Variants in ZNF671 observed in about 807,000 individuals in gnomAD.
ZNF671 encodes the protein zinc finger protein 671.
In ZNF671, 19 loss-of-function variants were observed where a neutral mutation model predicts 16.6. That is an observed-to-expected ratio of 1.14 (90% CI 0.80 to 1.68). ZNF671 has a LOEUF of 1.68. Among genes scored for constraint, ZNF671 ranks in the 40% most tolerant of loss-of-function variants. The pLI, the probability that ZNF671 is intolerant of heterozygous loss-of-function variation, is 0.00. For missense variants in ZNF671, 637 were observed against 659.8 expected, an observed-to-expected ratio of 0.97 and a Z score of 0.38; for synonymous variants, 238 against 236.3, an observed-to-expected ratio of 1.01 and a Z score of -0.06.
At chr19:57,726,045 C>A (rs535298490) in intron 1 of ZNF671, among the ~76,000 whole-genome samples, 103 of 151,968 alleles carry the variant, frequency 6.8e-4, no homozygotes, top group African/African-American at 2.4e-3. Context: ...GTCGGGAGTT[C>A]AAGACCACCT....
rs1820653247 is a variant in ZNF671 at position 57,722,299 on chromosome 19, C to T, written c.388+17G>A. On this transcript the variant is annotated intron_variant, in intron 3 of 3. Coordinates refer to ENST00000317398, the MANE Select transcript of ZNF671 (RefSeq NM_024833.3). ...AACCCAGCTTTGACATCGTGCCCTTCCCCGATGTCCACTCACCAGGTCTAA... is the reference window on the plus strand; with the variant it reads ...AACCCAGCTTTGACATCGTGCCCTTTCCCGATGTCCACTCACCAGGTCTAA... 6.2e-7 allele frequency: 1 copy of T among 1,613,370 alleles called. No homozygotes were observed. Among genetic ancestry groups the T allele is most frequent in the Admixed American group, 1.7e-5 (1 of 59,892 alleles).
intron 3 of ZNF671, 74 bp from the exon 4 acceptor site, chr19:57,721,771 T>G: frequency 2.0e-6 from 3 of 1,524,590 alleles, no homozygotes; most frequent in Non-Finnish European, 2.7e-6. Flanking sequence ...ATATGTGCAT[T>G]TGACACATGC....
Position 57,723,221 on chromosome 19 carries a change from G to A in ZNF671, c.258C>T (p.Ala86=). 1 of 1,611,904 alleles carries A rather than the reference G, an allele frequency of 6.2e-7. No homozygotes were observed. Among genetic ancestry groups the A allele is most frequent in the Non-Finnish European group, 8.5e-7 (1 of 1,178,746 alleles). The change falls in exon 2 of 4, where the codon GCC becomes GCT. Residue 86 remains alanine, a synonymous_variant. Coordinates refer to ENST00000317398, the MANE Select transcript of ZNF671 (RefSeq NM_024833.3). ...DVMLENFALL[A]SLGIAFSRSR... is the part of the protein sequence containing the mutation. The stretch of plus-strand genomic sequence containing the variant: ...AAAGCATGAGGACCTTACCCAGTGA[G>A]GCTAAAAGTGCAAAGTTCTCCAGCA...
chr19:57,723,272 A>C lies in ZNF671; in HGVS notation c.207T>G (p.Ala69=). The C allele has an allele frequency of 1.2e-6, 2 of 1,613,924 alleles. No individual in the cohort carries two copies. The highest frequency in any genetic ancestry group is 8.5e-7 in the Non-Finnish European group (1 of 1,179,844). Reference sequence around the variant, plus strand: ...TCACATCATGGTACAAAAGTCTCTGAGCATCATCAAGAAGCTCCCATTCTT... The same window carrying C: ...TCACATCATGGTACAAAAGTCTCTGCGCATCATCAAGAAGCTCCCATTCTT... ...SREEWELLDD[A]QRLLYHDVML... Residue 69 remains alanine (A), a synonymous_variant, in exon 2 of 4, where the codon GCT becomes GCG. Coordinates refer to ENST00000317398, the MANE Select transcript of ZNF671 (RefSeq NM_024833.3).
At chr19:57,727,026 C>T (rs1315973390) in intron 1 of ZNF671, 2 of 194,526 alleles carry the variant, frequency 1.0e-5, no homozygotes, top group African/African-American at 4.7e-5. Context: ...ATGTTCTCCC[C>T]TGAGCAAATT....
rs1427992863 is a variant in ZNF671 at position 57,720,132 on chromosome 19, A to C, written c.*349T>G. 3.9e-6 allele frequency: 1 copy of C among 254,594 alleles called. No homozygotes were observed. Among genetic ancestry groups the C allele is most frequent in the East Asian group, 7.8e-5 (1 of 12,872 alleles). 15.8% of individuals were successfully genotyped at this position (254,594 alleles called of 1,614,324 possible). On this transcript the variant is annotated 3_prime_UTR_variant, in exon 4 of 4. Coordinates refer to ENST00000317398, the MANE Select transcript of ZNF671 (RefSeq NM_024833.3). ...CCCCAGCAAAGGCCAATAGCCATTT[A>C]AAAAGTGCAACACAGCTGCTGAAAG...
rs775068911 is a variant in ZNF671, at chr19:57,721,243, TC to T, written c.842del (p.Gly281AspfsTer76). 2.5e-6 allele frequency: 4 copies of T among 1,596,192 alleles called. No homozygotes were observed. The highest frequency in any genetic ancestry group is 3.4e-5 in the Admixed American group (2 of 59,012). ...STKLVSGFLMGQRYHRCGECG... is the reference protein window; with the variant it reads ...STKLVSGFLMXQRYHRCGECG... ...ATTCACCACACCTGTGATACCTCTG[TC>T]CCATGAGAAAGCCACTCACAAGCTT... On this transcript the variant is annotated frameshift_variant, in exon 4 of 4. Coordinates refer to ENST00000317398, the MANE Select transcript of ZNF671 (RefSeq NM_024833.3). LOFTEE classifies it low-confidence loss of function (END_TRUNC).
Position 57,721,598 on chromosome 19 carries a change from G to T in ZNF671, c.488C>A (p.Ser163Tyr). 6.2e-7 allele frequency: 1 copy of T among 1,614,198 alleles called. No homozygotes were observed. Among genetic ancestry groups the T allele is most frequent in the Non-Finnish European group, 8.5e-7 (1 of 1,180,042 alleles). The change falls in exon 4 of 4, where the codon TCT (serine) becomes TAT (tyrosine). Residue 163 changes from serine (S) to tyrosine (Y), a missense_variant. Ser to Tyr is a moderately radical substitution (Grantham distance 144, BLOSUM62 -2). Transcript: ENST00000317398. ...EVRTLMAELE[S>Y]HPCDICGPIL... ...TGGGCCACATATGTCACATGGGTGA[G>T]ACTCCAGCTCTGCCATGAGAGTCCT...
chr19:57,723,664 C>T (rs1288996268), intron 1 of ZNF671, among the ~76,000 whole-genome samples: 1 of 151,924 alleles, frequency 6.6e-6, no homozygotes, highest in Non-Finnish European at 1.5e-5. Context: ...CGTCAGCTCA[C>T]ACTCCCTCCT....
rs190015858 is a variant in ZNF671 at position 57,723,200 on chromosome 19, C to T, written c.265+14G>A. The T allele has an allele frequency of 5.6e-6, 9 of 1,601,366 alleles. No individual in the cohort carries two copies. In the East Asian group the frequency reaches 8.9e-5, roughly 16 times the overall value. On this transcript the variant is annotated intron_variant, in intron 2 of 3. Coordinates refer to ENST00000317398, the MANE Select transcript of ZNF671 (RefSeq NM_024833.3). ...GAACAGAGTGGTAAAGGCAGAAAAG[C>T]ATGAGGACCTTACCCAGTGAGGCTA...
intron 1 of ZNF671, among the ~76,000 whole-genome samples, chr19:57,724,502 T>TG (rs1985981498): frequency 6.6e-6 from 1 of 151,574 alleles, no homozygotes; most frequent in South Asian, 2.1e-4. Context: ...AGCTGGTCAG[T>TG]GAGGCAGTCA....
At chr19:57,724,084 A>T (rs894181787) in intron 1 of ZNF671, among the ~76,000 whole-genome samples, 1 of 149,994 alleles carries the variant, frequency 6.7e-6, no homozygotes, top group Admixed American at 6.7e-5. Flanking sequence ...TCAGTATCCC[A>T]TCTTGCTCCA....
intron 1 of ZNF671, among the ~76,000 whole-genome samples, chr19:57,725,327 G>C (rs147118587): frequency 6.6e-6 from 1 of 151,900 alleles, no homozygotes; most frequent in African/African-American, 2.4e-5. Context: ...TTAGCTGGGC[G>C]TGGTGGCGGG....
At chr19:57,726,096 A>ACCCCACCCCTCCCACCT (rs1404446116) in intron 1 of ZNF671, among the ~76,000 whole-genome samples, 1 of 20,004 alleles carries the variant, frequency 5.0e-5, no homozygotes, top group Non-Finnish European at 1.0e-4. Flanking sequence ...CCCCGCCCCC[A>ACCCCACCCCTCCCACCT]CCCCACCCCT....
rs1985786601 is a variant in ZNF671, at chr19:57,719,813, G to A, written c.*668C>T. 1 of 152,562 alleles carries A rather than the reference G, an allele frequency of 6.6e-6. No homozygotes were observed. The highest frequency in any genetic ancestry group is 1.5e-5 in the Non-Finnish European group (1 of 68,334). 9.5% of individuals were successfully genotyped at this position (152,562 alleles called of 1,614,324 possible). Reference sequence around the variant, plus strand: ...ATGTGAAGCAGGCAGTTCCAGAGCTGGGTGACTTGGATATTGGATATATCC... The same window carrying A: ...ATGTGAAGCAGGCAGTTCCAGAGCTAGGTGACTTGGATATTGGATATATCC... On this transcript the variant is annotated 3_prime_UTR_variant, in exon 4 of 4. Transcript: ENST00000317398.
Position 57,720,676 on chromosome 19 carries a change from C to T in ZNF671, c.1410G>A (p.Gln470=). The T allele has an allele frequency of 6.2e-7, 1 of 1,614,190 alleles. No individual in the cohort carries two copies. Among genetic ancestry groups the T allele is most frequent in the Non-Finnish European group, 8.5e-7 (1 of 1,180,038 alleles). The change falls in exon 4 of 4, where the codon CAG becomes CAA. Residue 470 remains glutamine (Q), a synonymous_variant. Coordinates refer to ENST00000317398, the MANE Select transcript of ZNF671 (RefSeq NM_024833.3). The part of the protein sequence containing the change: ...FSCISKLIQH[Q]KVHSGEKPYE... ...AAGGCTTTTCTCCAGAGTGAACTTTCTGGTGCTGAATGAGTTTGGAGATGC... is the reference window on the plus strand; with the variant it reads ...AAGGCTTTTCTCCAGAGTGAACTTTTTGGTGCTGAATGAGTTTGGAGATGC...
rs1421099027 is a variant in ZNF671, at chr19:57,720,922, C to G, written c.1164G>C (p.Gln388His). ...AAGGCCTGGCTCCTGTGTGAACTTC[C>G]TGGTGTCGAATGAGATTAGACTTAC... ...FSSKSNLIRH[Q>H]EVHTGARPYV... Residue 388 changes from glutamine (Q) to histidine (H), a missense_variant, in exon 4 of 4, where the codon CAG becomes CAC. Physicochemically the swap from Gln to His is conservative, Grantham distance 24 (BLOSUM62 0). Coordinates refer to ENST00000317398, the MANE Select transcript of ZNF671 (RefSeq NM_024833.3). 5 of 1,614,052 alleles carry G rather than the reference C, an allele frequency of 3.1e-6. No individual in the cohort carries two copies. The highest frequency in any genetic ancestry group is 4.2e-6 in the Non-Finnish European group (5 of 1,180,042).
At chr19:57,722,290 C>T (rs748539954) in intron 3 of ZNF671, 26 bp downstream of exon 3, 15 of 1,612,200 alleles carry the variant, frequency 9.3e-6, no homozygotes, top group Admixed American at 8.4e-5. Context: ...GCTTTGACAT[C>T]GTGCCCTTCC....
intron 1 of ZNF671, among the ~76,000 whole-genome samples, chr19:57,725,033 A>G (rs1306442242): frequency 6.6e-6 from 1 of 152,206 alleles, no homozygotes; most frequent in Non-Finnish European, 1.5e-5. Flanking sequence ...CCAGAGAGTT[A>G]CCAAAAACAG....
Sources: gnomAD v4.1 joint callset for allele counts (sites outside exome capture counted in the v4.1 genomes callset) on GRCh38, gnomAD v4.1.1 for gene constraint, MANE v1.5 for transcripts, NCBI Gene and HGNC (gene_info 2026-07-23, HGNC 2026-07-21) for gene names.